Variants in TOX observed in about 807,000 individuals in gnomAD.
TOX encodes the protein thymocyte selection-associated high mobility group box protein TOX.
TOX carries 11 observed loss-of-function variants against 53.7 expected under a neutral mutation model. The ratio of observed to expected loss-of-function variants is 0.20; its 90% confidence interval spans 0.13 to 0.34. TOX has a LOEUF of 0.34. TOX is among the 10% of genes least tolerant of loss of function. The probability of loss-of-function intolerance (pLI) is 1.00; values close to 1 mark genes in which losing one functional copy is unlikely to be tolerated. For synonymous variants in TOX, 225 were observed against 245.3 expected, an observed-to-expected ratio of 0.92 and a Z score of 0.77; for missense variants, 570 against 664.6, an observed-to-expected ratio of 0.86 and a Z score of 1.56.
chr8:58,884,474 A>G (rs1231782799), intron 3 of TOX, among the ~76,000 whole-genome samples: 1 of 152,142 alleles, frequency 6.6e-6, no homozygotes, highest in East Asian at 1.9e-4. Context: ...TTACAGCAGT[A>G]ATAAATCATT....
At chr8:59,007,464 T>C (rs1563416329) in intron 1 of TOX, among the ~76,000 whole-genome samples, 1 of 152,072 alleles carries the variant, frequency 6.6e-6, no homozygotes, top group Non-Finnish European at 1.5e-5. Flanking sequence ...TATATCTAAC[T>C]GTAAATCAAA....
At chr8:59,086,406 G>A (rs1177229666) in intron 1 of TOX, among the ~76,000 whole-genome samples, 4 of 152,132 alleles carry the variant, frequency 2.6e-5, no homozygotes, top group Admixed American at 1.3e-4. Context: ...TCCATGTCCA[G>A]AAGACAGAAT....
In TOX at chr8:58,810,259, C is replaced by T. The variant is rs1447621136; in HGVS notation, c.1393-1990G>A. ...GCTCAAGGGATCCTCTTACCTTGGTCTCCCAAAGTGCTGGGATTATGGGCA... is the reference window on the plus strand; with the variant it reads ...GCTCAAGGGATCCTCTTACCTTGGTTTCCCAAAGTGCTGGGATTATGGGCA... On this transcript the variant is annotated intron_variant, in intron 7 of 8. Coordinates refer to ENST00000361421, the MANE Select transcript of TOX (RefSeq NM_014729.3). Among the ~76,000 whole-genome samples the T allele has an allele frequency of 3.9e-5, 6 of 152,140 alleles. No homozygotes were observed. The East Asian group carries it at 1.2e-3, about 29-fold the overall frequency.
intron 3 of TOX, among the ~76,000 whole-genome samples, chr8:58,853,103 T>C (rs1810853484): frequency 6.6e-6 from 1 of 152,180 alleles, no homozygotes; most frequent in Admixed American, 6.6e-5. Flanking sequence ...GTGCCCTGTG[T>C]TCTTCTCCGG....
chr8:58,839,592 G>T lies in TOX; in HGVS notation c.694-1281C>A, dbSNP rs970181263. ...CTCTAAAATAAAGCATTTTGGATAG[G>T]ATTTCTTTCCGGCTCTAAAATTATA... On this transcript the variant is annotated intron_variant, in intron 4 of 8. Coordinates refer to ENST00000361421, the MANE Select transcript of TOX (RefSeq NM_014729.3). 3.3e-5 allele frequency among the ~76,000 whole-genome samples: 5 copies of T among 152,242 alleles called. 1 individual carries two copies. Among genetic ancestry groups the T allele is most frequent in the Non-Finnish European group, 5.9e-5 (4 of 68,022 alleles).
chr8:59,081,015 T>C (rs1419596914), intron 1 of TOX, among the ~76,000 whole-genome samples: 1 of 152,002 alleles, frequency 6.6e-6, no homozygotes, highest in African/African-American at 2.4e-5. Flanking sequence ...AGGGAAGGTT[T>C]TGTTTTTGTT....
At chr8:58,819,071 A>G (rs530707664) in intron 6 of TOX, among the ~76,000 whole-genome samples, 22 of 152,356 alleles carry the variant, frequency 1.4e-4, no homozygotes, top group African/African-American at 4.6e-4. Context: ...TAGGTAGAAT[A>G]AGTTCATTTT....
intron 3 of TOX, among the ~76,000 whole-genome samples, chr8:58,858,567 T>C (rs1052710774): frequency 1.3e-5 from 2 of 152,250 alleles, no homozygotes; most frequent in African/African-American, 4.8e-5. Context: ...TTCTGTGGTC[T>C]TTGCAGGCAA....
At chr8:58,824,534 T>C (rs542631801) in intron 6 of TOX, among the ~76,000 whole-genome samples, 2 of 152,326 alleles carry the variant, frequency 1.3e-5, no homozygotes, top group African/African-American at 2.4e-5. Flanking sequence ...TCTACACTTA[T>C]TGTAGCACTG....
At chr8:59,031,517 G>C (rs963406551) in intron 1 of TOX, among the ~76,000 whole-genome samples, 1 of 152,230 alleles carries the variant, frequency 6.6e-6, no homozygotes, top group African/African-American at 2.4e-5. Context: ...GTATATCCCT[G>C]CTCTCAAGGA....
intron 3 of TOX, among the ~76,000 whole-genome samples, chr8:58,936,040 A>C (rs1265311656): frequency 6.6e-6 from 1 of 152,156 alleles, no homozygotes; most frequent in African/African-American, 2.4e-5. Context: ...TACCGCTGCT[A>C]TCTACACAGG....
Position 58,808,099 on chromosome 8 carries a change from G to A in TOX, c.1544+19C>T, listed in dbSNP as rs576424033. 10 of 1,603,050 alleles carry A rather than the reference G, an allele frequency of 6.2e-6. No homozygotes were observed. In the East Asian group the frequency reaches 2.2e-4, roughly 36 times the overall value. ...TATGAGCGCTGTCCACCACCAGGTG[G>A]CGATGACCGGCCGCTTACCCACTAC... On this transcript the variant is annotated intron_variant, in intron 8 of 8. Coordinates refer to ENST00000361421, the MANE Select transcript of TOX (RefSeq NM_014729.3).
chr8:58,874,092 C>G lies in TOX; in HGVS notation c.412-22287G>C, dbSNP rs1242214885. Among the ~76,000 whole-genome samples, 9 of 147,998 alleles carry G rather than the reference C, an allele frequency of 6.1e-5. No individual in the cohort carries two copies. The South Asian group carries it at 1.9e-3, about 32-fold the overall frequency. On this transcript the variant is annotated intron_variant, in intron 3 of 8. Transcript: ENST00000361421. The stretch of plus-strand genomic sequence containing the variant: ...AAAGAAACTTCCAGAGTATTCCTTT[C>G]ACCTAGTGAGTCTACTATAAGGGAC...
At chr8:58,961,728 C>T (rs62508380) in intron 1 of TOX, among the ~76,000 whole-genome samples, 5,423 of 151,880 alleles carry the variant, frequency 0.036, 265 homozygotes, top group Admixed American at 0.14. Context: ...GGGTCTTGAA[C>T]TCTTGACCTC....
At chr8:59,109,169 A>G (rs986210819) in intron 1 of TOX, among the ~76,000 whole-genome samples, 3 of 152,130 alleles carry the variant, frequency 2.0e-5, no homozygotes, top group African/African-American at 7.2e-5. Context: ...TCTTCTAAAC[A>G]TCTCTTTAAA....
chr8:59,094,412 C>A (rs1169133386), intron 1 of TOX, among the ~76,000 whole-genome samples: 2 of 152,020 alleles, frequency 1.3e-5, no homozygotes, highest in Non-Finnish European at 2.9e-5. Flanking sequence ...CCAAGCCAGG[C>A]AGATTACCTG....
chr8:58,830,513 A>G (rs1810435543), intron 5 of TOX, among the ~76,000 whole-genome samples: 1 of 152,208 alleles, frequency 6.6e-6, no homozygotes. Flanking sequence ...CAGCAGTTCA[A>G]TATCAACGAT....
At chr8:59,014,972 A>G (rs1475691447) in intron 1 of TOX, among the ~76,000 whole-genome samples, 4 of 152,252 alleles carry the variant, frequency 2.6e-5, no homozygotes, top group Admixed American at 2.6e-4. Context: ...CAGAATTCTT[A>G]ACAATACATT....
At chr8:58,940,813 T>A (rs1812425636) in intron 2 of TOX, among the ~76,000 whole-genome samples, 1 of 152,186 alleles carries the variant, frequency 6.6e-6, no homozygotes, top group African/African-American at 2.4e-5. Context: ...CCAGATGGCG[T>A]CTATTTGTCT....
Sources: gnomAD v4.1 joint callset for allele counts (sites outside exome capture counted in the v4.1 genomes callset) on GRCh38, gnomAD v4.1.1 for gene constraint, MANE v1.5 for transcripts, NCBI Gene and HGNC (gene_info 2026-07-23, HGNC 2026-07-21) for gene names.